HOXD11: variants seen among roughly 807,000 people sequenced by gnomAD.
HOXD11 encodes the protein homeobox D11.
Under a neutral mutation model 23.1 loss-of-function variants are expected in HOXD11, and 16 were observed. That is an observed-to-expected ratio of 0.69 (90% CI 0.47 to 1.05). The LOEUF (loss-of-function observed/expected upper bound fraction) is 1.05. Ranked by LOEUF, HOXD11 falls within the 50% of genes least tolerant of loss-of-function variation. HOXD11 has a pLI of 0.00. For missense variants in HOXD11, 564 were observed against 495.6 expected (o/e 1.14, Z -1.31); for synonymous variants, 262 against 224.4 (o/e 1.17, Z -1.50).
chr2:176,111,826 CAAAAAAA>C (rs1176283938), downstream of HOXD11, among the ~76,000 whole-genome samples: 18 of 22,744 alleles, frequency 7.9e-4, no homozygotes, highest in African/African-American at 1.3e-3. Flanking sequence ...CTCCCCCCCG[CAAAAAAA>C]AAAAAAAAAA....
rs1211869754 is a variant in HOXD11, at chr2:176,107,970, G to C, written c.615G>C (p.Glu205Asp). ...CGCCACCCGCGCCGCCACAGCCCGA[G>C]GGCGCAGCCGACAAGGGCGACCCCA... ...PPPPPAPPQP[E>D]GAADKGDPRT... The change falls in exon 1 of 2, where the codon GAG (glutamate) becomes GAC (aspartate). Residue 205 changes from glutamate to aspartate, a missense_variant. Physicochemically the swap from Glu to Asp is conservative, Grantham distance 45. Transcript: ENST00000249504. 7.0e-7 allele frequency: 1 copy of C among 1,428,836 alleles called. No homozygotes were observed. Among genetic ancestry groups the C allele is most frequent in the Non-Finnish European group, 9.1e-7 (1 of 1,095,802 alleles). 88.5% of individuals were successfully genotyped at this position (1,428,836 alleles called of 1,614,324 possible).
At chr2:176,114,633 G>C (rs886881690), downstream of HOXD11, among the ~76,000 whole-genome samples, 2 of 152,116 alleles carry the variant, frequency 1.3e-5, no homozygotes, top group African/African-American at 4.8e-5. Flanking sequence ...TTTCAACCAG[G>C]CCAGGGGAGA....
rs1044370799 is a variant in HOXD11, at chr2:176,107,958, G to A, written c.603G>A (p.Pro201=). Reference sequence around the variant, plus strand: ...CGCAGCCCCCGCCGCCACCCGCGCCGCCACAGCCCGAGGGCGCAGCCGACA... The same window carrying A: ...CGCAGCCCCCGCCGCCACCCGCGCCACCACAGCCCGAGGGCGCAGCCGACA... ...AGPQPPPPPA[P]PQPEGAADKG... Residue 201 remains proline (P), a synonymous_variant, in exon 1 of 2, where the codon CCG becomes CCA. Coordinates refer to ENST00000249504, the MANE Select transcript of HOXD11 (RefSeq NM_021192.3). The A allele has an allele frequency of 5.6e-5, 78 of 1,399,254 alleles. No individual in the cohort carries two copies. The African/African-American group carries it at 8.3e-4, about 15-fold the overall frequency. The allele number at this position is 1,399,254 out of a possible 1,614,324, so 86.7% of individuals were successfully genotyped here.
At chr2:176,112,199 A>G (rs1367525240), downstream of HOXD11, among the ~76,000 whole-genome samples, 1 of 152,152 alleles carries the variant, frequency 6.6e-6, no homozygotes, top group Non-Finnish European at 1.5e-5. Flanking sequence ...AAAACTGGCC[A>G]CCCTTCCAAG....
downstream of HOXD11, among the ~76,000 whole-genome samples, chr2:176,113,745 T>G (rs1689709353): frequency 6.6e-6 from 1 of 152,202 alleles, no homozygotes; most frequent in South Asian, 2.1e-4. Context: ...ATTTTAAAGA[T>G]AAAAAATAGA....
chr2:176,111,840 A>AAACAAAAAC (rs1553518455), downstream of HOXD11, among the ~76,000 whole-genome samples: 1 of 140,724 alleles, frequency 7.1e-6, no homozygotes, highest in Non-Finnish European at 1.6e-5. Flanking sequence ...AAAAAAAAAA[A>AAACAAAAAC]AAAAAAAAAC....
chr2:176,109,544 G>T lies in HOXD11; in HGVS notation c.*402G>T. ...CCTTCCTTCCTCTTCGGTGAATGCA[G>T]GTTATTTAAACTTTGGGAAATGTAC... On this transcript the variant is annotated 3_prime_UTR_variant, in exon 2 of 2. Coordinates refer to ENST00000249504, the MANE Select transcript of HOXD11 (RefSeq NM_021192.3). 1 of 256,422 alleles carries T rather than the reference G, an allele frequency of 3.9e-6. No homozygotes were observed. The highest frequency in any genetic ancestry group is 7.5e-6 in the Non-Finnish European group (1 of 132,570). 15.9% of individuals were successfully genotyped at this position (256,422 alleles called of 1,614,324 possible). A position where few individuals can be genotyped will look rare whatever the true frequency, so the allele number is the denominator to read the frequency against.
Position 176,109,369 on chromosome 2 carries a change from A to C in HOXD11, c.*227A>C. ...AATAAGGGGAAAATGGTAAATGCAA[A>C]CGTCCCGTTACAATTTTACCGCCAG... is the stretch of plus-strand genomic sequence containing the variant. On this transcript the variant is annotated 3_prime_UTR_variant, in exon 2 of 2. Transcript: ENST00000249504. The C allele has an allele frequency of 9.9e-6, 5 of 506,290 alleles. No homozygotes were observed. The highest frequency in any genetic ancestry group is 2.7e-5 in the South Asian group (1 of 36,578). 31.4% of individuals were successfully genotyped at this position (506,290 alleles called of 1,614,324 possible).
intron 1 of HOXD11, 45 bp downstream of exon 1, chr2:176,108,181 G>A: frequency 1.1e-6 from 1 of 927,848 alleles, no homozygotes; most frequent in Non-Finnish European, 1.4e-6. Context: ...GGGGCCGCGG[G>A]GGAGGGGGGG....
At chr2:176,111,826 C>CACAAAAAAAAAAAAAAAAAAA (rs1689676469), downstream of HOXD11, among the ~76,000 whole-genome samples, 1 of 22,744 alleles carries the variant, frequency 4.4e-5, no homozygotes, top group Non-Finnish European at 7.5e-5. Context: ...CTCCCCCCCG[C>CACAAAAAAAAAAAAAAAAAAA]AAAAAAAAAA....
rs556598533 is a variant in HOXD11 at position 176,107,783 on chromosome 2, C to T, written c.428C>T (p.Ala143Val). 9 of 1,331,436 alleles carry T rather than the reference C, an allele frequency of 6.8e-6. No homozygotes were observed. The highest frequency in any genetic ancestry group is 3.7e-5 in the Admixed American group (1 of 27,320). The allele number at this position is 1,331,436 out of a possible 1,614,324, so 82.5% of individuals were successfully genotyped here. ...AGRRPDVLFK[A>V]PEPVCAAPGP... ...CGCCGGCCGGACGTGCTCTTCAAGGCGCCTGAGCCGGTGTGCGCTGCGCCG... is the reference window on the plus strand; with the variant it reads ...CGCCGGCCGGACGTGCTCTTCAAGGTGCCTGAGCCGGTGTGCGCTGCGCCG... Residue 143 changes from alanine (A) to valine (V), a missense_variant, in exon 1 of 2, where the codon GCG becomes GTG. Transcript: ENST00000249504.
Position 176,107,608 on chromosome 2 carries a change from G to C in HOXD11, c.253G>C (p.Gly85Arg). 8.1e-7 allele frequency: 1 copy of C among 1,227,906 alleles called. No individual in the cohort carries two copies. Among genetic ancestry groups the C allele is most frequent in the Non-Finnish European group, 1.0e-6 (1 of 973,162 alleles). The allele number at this position is 1,227,906 out of a possible 1,614,324, so 76.1% of individuals were successfully genotyped here. The stretch of plus-strand genomic sequence containing the variant: ...CGGCGGCGGCGGCGGCGGCAGCGCG[G>C]GGGGCGGCAGCAGCGGGGGCGGCCC... ...YRGGGGGGSA[G>R]GGSSGGGPGG... is the part of the protein sequence containing the mutation. Residue 85 changes from glycine (G) to arginine (R), a missense_variant, in exon 1 of 2, where the codon GGG becomes CGG. Physicochemically the swap from Gly to Arg is moderately radical, Grantham distance 125. Coordinates refer to ENST00000249504, the MANE Select transcript of HOXD11 (RefSeq NM_021192.3).
downstream of HOXD11, among the ~76,000 whole-genome samples, chr2:176,110,257 T>C (rs1689655593): frequency 6.6e-6 from 1 of 152,216 alleles, no homozygotes; most frequent in African/African-American, 2.4e-5. Context: ...TACTGCACTT[T>C]ATGTTGCAGG....
Position 176,107,957 on chromosome 2 carries a change from C to G in HOXD11, c.602C>G (p.Pro201Arg), listed in dbSNP as rs948744469. ...AGPQPPPPPA[P>R]PQPEGAADKG... ...CCGCAGCCCCCGCCGCCACCCGCGC[C>G]GCCACAGCCCGAGGGCGCAGCCGAC... The change falls in exon 1 of 2, where the codon CCG becomes CGG. Residue 201 changes from proline to arginine, a missense_variant. By Grantham distance (103) the Pro-to-Arg change is moderately radical. Coordinates refer to ENST00000249504, the MANE Select transcript of HOXD11 (RefSeq NM_021192.3). 2 of 1,391,706 alleles carry G rather than the reference C, an allele frequency of 1.4e-6. No homozygotes were observed. The highest frequency in any genetic ancestry group is 1.6e-5 in the South Asian group (1 of 61,114). The allele number at this position is 1,391,706 out of a possible 1,614,324, so 86.2% of individuals were successfully genotyped here.
In HOXD11 at chr2:176,109,157, G is replaced by T; in HGVS notation, c.*15G>T. Reference sequence around the variant, plus strand: ...CCTTATTTTGAGAGCTCCAGGAAGCGCCCTCACCCCAGCCCCACTCACCCA... The same window carrying T: ...CCTTATTTTGAGAGCTCCAGGAAGCTCCCTCACCCCAGCCCCACTCACCCA... On this transcript the variant is annotated 3_prime_UTR_variant, in exon 2 of 2. Coordinates refer to ENST00000249504, the MANE Select transcript of HOXD11 (RefSeq NM_021192.3). 1.3e-6 allele frequency: 2 copies of T among 1,530,330 alleles called. No homozygotes were observed. The highest frequency in any genetic ancestry group is 2.2e-5 in the East Asian group (1 of 44,492). The allele number at this position is 1,530,330 out of a possible 1,614,324, so 94.8% of individuals were successfully genotyped here.
chr2:176,114,998 A>T, the HOXD11 span, among the ~76,000 whole-genome samples: 1 of 152,376 alleles, frequency 6.6e-6, no homozygotes, highest in African/African-American at 2.4e-5. Context: ...ACTCAGGGCA[A>T]GTCTTTGGAA....
In HOXD11 at chr2:176,107,820, C is replaced by T. The variant is rs1365951933; in HGVS notation, c.465C>T (p.His155=). 2.1e-6 allele frequency: 3 copies of T among 1,409,934 alleles called. No homozygotes were observed. The highest frequency in any genetic ancestry group is 2.9e-5 in the Admixed American group (1 of 34,764). 87.3% of individuals were successfully genotyped at this position (1,409,934 alleles called of 1,614,324 possible). A position where few individuals can be genotyped will look rare whatever the true frequency, so the allele number is the denominator to read the frequency against. Residue 155 remains histidine (H), a synonymous_variant, in exon 1 of 2, where the codon CAC becomes CAT. Coordinates refer to ENST00000249504, the MANE Select transcript of HOXD11 (RefSeq NM_021192.3). ...TGTGCGCTGCGCCGGGGCCGCCGCACGGCCCCGCGGGCGCCGCCTCCAACT... is the reference window on the plus strand; with the variant it reads ...TGTGCGCTGCGCCGGGGCCGCCGCATGGCCCCGCGGGCGCCGCCTCCAACT... The part of the protein sequence containing the change: ...EPVCAAPGPP[H]GPAGAASNFY...
Position 176,108,031 on chromosome 2 carries a change from A to C in HOXD11, c.676A>C (p.Thr226Pro), listed in dbSNP as rs1689609955. ...GAGGGGGSPC[T>P]KATPGSEPKG... Reference sequence around the variant, plus strand: ...TGGTGGCGGCGGGGGCAGTCCCTGCACCAAGGCGACCCCTGGCTCGGAGCC... The same window carrying C: ...TGGTGGCGGCGGGGGCAGTCCCTGCCCCAAGGCGACCCCTGGCTCGGAGCC... The change falls in exon 1 of 2, where the codon ACC (threonine) becomes CCC (proline). Residue 226 changes from threonine (T) to proline (P), a missense_variant. Transcript: ENST00000249504. 1 of 1,493,946 alleles carries C rather than the reference A, an allele frequency of 6.7e-7. No homozygotes were observed. The highest frequency in any genetic ancestry group is 8.9e-7 in the Non-Finnish European group (1 of 1,127,742). The allele number at this position is 1,493,946 out of a possible 1,614,324, so 92.5% of individuals were successfully genotyped here. A position where few individuals can be genotyped will look rare whatever the true frequency, so the allele number is the denominator to read the frequency against.
At position 176,107,967 on chromosome 2, in the gene HOXD11, C is replaced by T; in HGVS notation, c.612C>T (p.Pro204=). The change falls in exon 1 of 2, where the codon CCC becomes CCT. Residue 204 remains proline, a synonymous_variant. Coordinates refer to ENST00000249504, the MANE Select transcript of HOXD11 (RefSeq NM_021192.3). ...QPPPPPAPPQ[P]EGAADKGDPR... is the part of the protein sequence containing the mutation. ...CGCCGCCACCCGCGCCGCCACAGCC[C>T]GAGGGCGCAGCCGACAAGGGCGACC... 1 of 1,425,874 alleles carries T rather than the reference C, an allele frequency of 7.0e-7. No homozygotes were observed. Among genetic ancestry groups the T allele is most frequent in the South Asian group, 1.5e-5 (1 of 68,798 alleles). The allele number at this position is 1,425,874 out of a possible 1,614,324, so 88.3% of individuals were successfully genotyped here.
Sources: allele counts gnomAD v4.1 joint callset (sites outside exome capture counted in the v4.1 genomes callset), GRCh38; gene constraint gnomAD v4.1.1; transcripts MANE v1.5; gene names NCBI Gene and HGNC (gene_info 2026-07-23, HGNC 2026-07-21).